ZNF717: variants seen among roughly 807,000 people sequenced by gnomAD.
ZNF717 encodes the protein krueppel-like factor X17.
In ZNF717, 9 loss-of-function variants were observed where a neutral mutation model predicts 13.8. That is an observed-to-expected ratio of 0.65 (90% confidence interval 0.39 to 1.14). The LOEUF (loss-of-function observed/expected upper bound fraction) is 1.14, where lower values mean the gene tolerates loss of function less well. Among genes scored for constraint, ZNF717 ranks in the 50% most tolerant of loss-of-function variants. The probability of loss-of-function intolerance (pLI) is 0.01; values close to 1 mark genes in which losing one functional copy is unlikely to be tolerated. For missense variants in ZNF717, 1,040 were observed against 1,080.7 expected (o/e 0.96, Z 0.53); for synonymous variants, 327 against 364.1 (o/e 0.90, Z 1.16).
At chr3:75,763,907 G>A (rs921282381) in intron 2 of ZNF717, among the ~76,000 whole-genome samples, 6 of 151,904 alleles carry the variant, frequency 3.9e-5, no homozygotes, top group African/African-American at 1.5e-4. Context: ...AACCATTAAT[G>A]GTCTAAAGCA....
chr3:75,730,373 A>G (rs62248835), exon 6 of ZNF717: 22,298 of 408,306 alleles, frequency 0.055, 928 homozygotes, highest in African/African-American at 0.16. Flanking sequence ...AAAAGTAGAA[A>G]CAGGATTTGA....
intron 2 of ZNF717, among the ~76,000 whole-genome samples, chr3:75,780,060 C>T (rs562254798): frequency 9.1e-5 from 13 of 142,286 alleles, no homozygotes; most frequent in South Asian, 2.3e-4. Context: ...ATGGGAGTGA[C>T]GTGCTAAGCC....
At chr3:75,724,625 A>AT (rs1262277329) in intron 4 of ZNF717, among the ~76,000 whole-genome samples, 1 of 152,208 alleles carries the variant, frequency 6.6e-6, no homozygotes, top group Admixed American at 6.5e-5. Flanking sequence ...TGAAAATTAT[A>AT]TTTTTTACTG....
chr3:75,725,199 TC>T (rs1653361212), downstream of ZNF717, among the ~76,000 whole-genome samples: 1 of 146,308 alleles, frequency 6.8e-6, no homozygotes, highest in African/African-American at 2.5e-5. Flanking sequence ...CCATCATGTT[TC>T]CATCAGCCTG....
intron 6 of ZNF717, among the ~76,000 whole-genome samples, chr3:75,699,992 A>C: frequency 6.6e-6 from 1 of 152,310 alleles, no homozygotes; most frequent in Non-Finnish European, 1.5e-5. Context: ...GAAATGAAAG[A>C]GGACCCAAAA....
intron 6 of ZNF717, among the ~76,000 whole-genome samples, chr3:75,699,075 C>A (rs1937636923): frequency 2.6e-5 from 4 of 152,372 alleles, no homozygotes; most frequent in African/African-American, 7.2e-5. Context: ...GGGTTTCAGA[C>A]TTTCATGGGT....
At chr3:75,763,071 T>C (rs542296480) in intron 2 of ZNF717, among the ~76,000 whole-genome samples, 4 of 152,350 alleles carry the variant, frequency 2.6e-5, no homozygotes, top group South Asian at 4.1e-4. Context: ...AATGTGAAAC[T>C]AGAATTATCA....
intron 2 of ZNF717, among the ~76,000 whole-genome samples, chr3:75,769,133 G>A (rs982809015): frequency 6.6e-6 from 1 of 152,162 alleles, no homozygotes; most frequent in African/African-American, 2.4e-5. Context: ...TTGAATCGTG[G>A]CTGGTCTCAG....
At chr3:75,740,570 ATTTTTT>A (rs63657763) in intron 4 of ZNF717, among the ~76,000 whole-genome samples, 63 of 124,700 alleles carry the variant, frequency 5.1e-4, no homozygotes, top group African/African-American at 1.6e-3. Context: ...GTACTCAGCT[ATTTTTT>A]TTTTTTTTTT....
At chr3:75,764,545 G>T (rs956049901) in intron 2 of ZNF717, among the ~76,000 whole-genome samples, 1 of 152,118 alleles carries the variant, frequency 6.6e-6, no homozygotes, top group Non-Finnish European at 1.5e-5. Context: ...TGAGATAAAT[G>T]ATCATGACCA....
At chr3:75,768,926 T>C (rs1358526629) in intron 2 of ZNF717, among the ~76,000 whole-genome samples, 1 of 152,208 alleles carries the variant, frequency 6.6e-6, no homozygotes, top group Non-Finnish European at 1.5e-5. Flanking sequence ...AATCACAACC[T>C]GATTCAGGAT....
rs1940483487 is a variant in ZNF717, at chr3:75,741,728, C to CGCCA, written c.65_66insTGGC (p.Ser23GlyfsTer4). ...AGTGCACAGCTACCTCCTCAAAGGA[C>CGCCA]ACCAACTCCTGTAATGATACCAGGC... On this transcript the variant is annotated frameshift_variant, in exon 3 of 5. Coordinates refer to ENST00000652011, the MANE Select transcript of ZNF717 (RefSeq NM_001290208.3). LOFTEE classifies it high-confidence loss of function. The CGCCA allele has an allele frequency of 2.2e-6, 3 of 1,347,242 alleles. No individual in the cohort carries two copies. Among genetic ancestry groups the CGCCA allele is most frequent in the African/African-American group, 1.7e-5 (1 of 60,538 alleles). 83.5% of individuals were successfully genotyped at this position (1,347,242 alleles called of 1,614,324 possible).
At chr3:75,697,162 T>G (rs113280702) in intron 6 of ZNF717, among the ~76,000 whole-genome samples, 1 of 152,242 alleles carries the variant, frequency 6.6e-6, no homozygotes, top group South Asian at 2.1e-4. Flanking sequence ...TCAACATAAT[T>G]CTGAAAGTCC....
intron 2 of ZNF717, among the ~76,000 whole-genome samples, chr3:75,759,085 CTG>C (rs112860007): frequency 0.023 from 3,428 of 152,182 alleles, 95 homozygotes; most frequent in African/African-American, 0.077. Flanking sequence ...TAGACATATG[CTG>C]TTGCACACTT....
chr3:75,715,610 G>A (rs1184416434), intron 5 of ZNF717, among the ~76,000 whole-genome samples: 1 of 151,994 alleles, frequency 6.6e-6, no homozygotes, highest in Non-Finnish European at 1.5e-5. Flanking sequence ...TTAACACACG[G>A]TATTTTAGAA....
chr3:75,748,112 T>G (rs369057347), intron 2 of ZNF717, among the ~76,000 whole-genome samples: 5 of 152,136 alleles, frequency 3.3e-5, no homozygotes, highest in African/African-American at 1.2e-4. Context: ...ATAAATTCCT[T>G]GACACATAAA....
chr3:75,730,998 T>C (rs1291492619), downstream of ZNF717, among the ~76,000 whole-genome samples: 4 of 152,182 alleles, frequency 2.6e-5, no homozygotes, highest in East Asian at 7.7e-4. Context: ...CCCAGCACTT[T>C]GGGAGACCGA....
chr3:75,742,164 A>C (rs1387292658), intron 2 of ZNF717, among the ~76,000 whole-genome samples: 1 of 152,128 alleles, frequency 6.6e-6, no homozygotes, highest in Non-Finnish European at 1.5e-5. Flanking sequence ...GTCTCTACAA[A>C]AATAATAAAA....
chr3:75,711,132 T>C (rs1030167753), exon 6 of ZNF717: 6 of 152,356 alleles, frequency 3.9e-5, no homozygotes, highest in African/African-American at 7.2e-5. Flanking sequence ...TTCAATGGTA[T>C]TCTGTTTATG....
Sources: gnomAD v4.1 joint callset for allele counts (sites outside exome capture counted in the v4.1 genomes callset) on GRCh38, gnomAD v4.1.1 for gene constraint, MANE v1.5 for transcripts, NCBI Gene and HGNC (gene_info 2026-07-23, HGNC 2026-07-21) for gene names.